Variants in CTNND2 observed in about 807,000 individuals in gnomAD.
CTNND2 encodes the protein catenin delta-2.
A neutral mutation model predicts 144.4 loss-of-function variants in CTNND2; 22 were observed. That is an observed-to-expected ratio of 0.15 (90% CI 0.11 to 0.22). The LOEUF is 0.22. CTNND2 is among the 10% of genes least tolerant of loss of function. The pLI is 1.00. For missense variants in CTNND2, 1,353 were observed against 1,618.8 expected, an observed-to-expected ratio of 0.84 and a Z score of 2.82; for synonymous variants, 751 against 695.6, an observed-to-expected ratio of 1.08 and a Z score of -1.25.
intron 9 of CTNND2, among the ~76,000 whole-genome samples, chr5:11,241,373 GC>G (rs1742432881): frequency 6.6e-6 from 1 of 152,176 alleles, no homozygotes; most frequent in South Asian, 2.1e-4. Context: ...AGGAGAAAAA[GC>G]CCCGATCATT....
intron 9 of CTNND2, among the ~76,000 whole-genome samples, chr5:11,255,858 G>T (rs1744179693): frequency 6.6e-6 from 1 of 152,130 alleles, no homozygotes; most frequent in South Asian, 2.1e-4. Flanking sequence ...AACTGTGATG[G>T]TTTCCTAATG....
At chr5:11,160,480 C>A (rs967273078) in intron 11 of CTNND2, among the ~76,000 whole-genome samples, 2 of 152,084 alleles carry the variant, frequency 1.3e-5, no homozygotes, top group African/African-American at 2.4e-5. Flanking sequence ...ATGCTTTAGG[C>A]TTTTAAATAT....
chr5:11,566,180 C>G (rs1777081302), intron 2 of CTNND2, among the ~76,000 whole-genome samples: 1 of 152,118 alleles, frequency 6.6e-6, no homozygotes, highest in Non-Finnish European at 1.5e-5. Flanking sequence ...TCCATAGGTG[C>G]ACATTTTAAT....
intron 16 of CTNND2, among the ~76,000 whole-genome samples, chr5:11,072,249 G>A (rs918180990): frequency 2.0e-5 from 3 of 152,312 alleles, no homozygotes; most frequent in Admixed American, 2.0e-4. Context: ...CAGTCTTAGT[G>A]AGCCTTAATT....
At chr5:11,744,730 T>C (rs1421581798) in intron 1 of CTNND2, among the ~76,000 whole-genome samples, 2 of 151,634 alleles carry the variant, frequency 1.3e-5, no homozygotes, top group Non-Finnish European at 2.9e-5. Context: ...TGTGTGTGTA[T>C]TTCTATTTTA....
intron 12 of CTNND2, among the ~76,000 whole-genome samples, chr5:11,149,547 A>G (rs1477092432): frequency 6.6e-6 from 1 of 152,188 alleles, no homozygotes; most frequent in Admixed American, 6.5e-5. Flanking sequence ...GGGATTCATT[A>G]GCTCCAGTCA....
intron 3 of CTNND2, among the ~76,000 whole-genome samples, chr5:11,465,182 T>A (rs1475393481): frequency 6.6e-6 from 1 of 152,208 alleles, no homozygotes; most frequent in Non-Finnish European, 1.5e-5. Flanking sequence ...ACATTGTTAA[T>A]AATCTGCATA....
chr5:11,812,824 A>T (rs1410453488), intron 1 of CTNND2, among the ~76,000 whole-genome samples: 1 of 152,156 alleles, frequency 6.6e-6, no homozygotes, highest in African/African-American at 2.4e-5. Context: ...ACACAAAAAA[A>T]GTTACTGGAG....
At chr5:11,129,394 C>T (rs1304893205) in intron 12 of CTNND2, among the ~76,000 whole-genome samples, 2 of 138,212 alleles carry the variant, frequency 1.4e-5, no homozygotes, top group Non-Finnish European at 3.0e-5. Context: ...TAGAAAATAC[C>T]TGCTCTCAAT....
At chr5:11,236,929 ATTTCATAAATGACTGTTCTGGT>A (rs923881875) in intron 9 of CTNND2, 106 bp from the exon 10 acceptor site, 38 of 1,206,372 alleles carry the variant, frequency 3.1e-5, no homozygotes, top group East Asian at 1.2e-4. Context: ...AAAAGAAAAT[ATTTCATAAATGACTGTTCTGGT>A]TTTCTTACAT....
At chr5:11,813,989 C>T (rs1241010733) in intron 1 of CTNND2, among the ~76,000 whole-genome samples, 1 of 152,164 alleles carries the variant, frequency 6.6e-6, no homozygotes, top group Non-Finnish European at 1.5e-5. Context: ...TTACAACTAC[C>T]ATGAAATTAC....
intron 8 of CTNND2, among the ~76,000 whole-genome samples, chr5:11,351,440 C>G (rs1471620528): frequency 1.3e-5 from 2 of 152,162 alleles, no homozygotes; most frequent in Non-Finnish European, 2.9e-5. Flanking sequence ...TCAATAGATA[C>G]CTACGCTTTC....
At chr5:11,236,069 C>T (rs570726886) in intron 10 of CTNND2, among the ~76,000 whole-genome samples, 14 of 152,344 alleles carry the variant, frequency 9.2e-5, no homozygotes, top group Non-Finnish European at 2.1e-4. Flanking sequence ...AAAAATATCA[C>T]ACAGCATAAT....
At chr5:11,067,204 A>G (rs1481755449) in intron 16 of CTNND2, among the ~76,000 whole-genome samples, 1 of 152,236 alleles carries the variant, frequency 6.6e-6, no homozygotes, top group Non-Finnish European at 1.5e-5. Flanking sequence ...GATATAAGGT[A>G]GAGGAGAGTA....
chr5:11,631,597 G>A (rs1781418475), intron 2 of CTNND2, among the ~76,000 whole-genome samples: 1 of 152,146 alleles, frequency 6.6e-6, no homozygotes, highest in South Asian at 2.1e-4. Context: ...ATAGAGCTAC[G>A]CAGTGTTTCC....
intron 9 of CTNND2, among the ~76,000 whole-genome samples, chr5:11,340,327 C>G (rs1007395584): frequency 6.6e-6 from 1 of 152,132 alleles, no homozygotes; most frequent in African/African-American, 2.4e-5. Context: ...AAAAATGAGG[C>G]TGTTTTCAGG....
At chr5:11,532,231 C>T (rs1175934301) in intron 3 of CTNND2, among the ~76,000 whole-genome samples, 1 of 151,958 alleles carries the variant, frequency 6.6e-6, no homozygotes, top group Non-Finnish European at 1.5e-5. Context: ...TCTCCCTCTG[C>T]CAGGCTTGCA....
Position 11,427,731 on chromosome 5 carries a change from C to G in CTNND2, c.288-15662G>C, listed in dbSNP as rs533003100. On this transcript the variant is annotated intron_variant, in intron 3 of 21. Coordinates refer to ENST00000304623, the MANE Select transcript of CTNND2 (RefSeq NM_001332.4). ...GGCACACATAGGATATCAAGAAATC[C>G]TCTCCTGCCTCTCCCAGACTTCATT... is the stretch of plus-strand genomic sequence containing the variant. Among the ~76,000 whole-genome samples the G allele has an allele frequency of 3.3e-5, 5 of 152,224 alleles. No individual in the cohort carries two copies. In the South Asian group the frequency reaches 1.0e-3, roughly 32 times the overall value.
At chr5:11,851,638 C>T (rs927596308) in intron 1 of CTNND2, among the ~76,000 whole-genome samples, 6 of 152,162 alleles carry the variant, frequency 3.9e-5, no homozygotes, top group African/African-American at 7.2e-5. Context: ...TGCTGGATTC[C>T]GCCTGTAGTA....
Sources: allele counts gnomAD v4.1 joint callset (sites outside exome capture counted in the v4.1 genomes callset), GRCh38; gene constraint gnomAD v4.1.1; transcripts MANE v1.5; gene names NCBI Gene and HGNC (gene_info 2026-07-23, HGNC 2026-07-21).